The following CCDC83 variants were observed in gnomAD, a reference collection of about 807,000 sequenced individuals.
CCDC83 encodes the protein coiled-coil domain-containing protein 83.
CCDC83 carries 54 observed loss-of-function variants against 50.1 expected under a neutral mutation model. The observed-to-expected ratio is 1.08, with a 90% CI of 0.87 to 1.35. The LOEUF (loss-of-function observed/expected upper bound fraction) is 1.35, where lower values mean the gene tolerates loss of function less well. Among genes scored for constraint, CCDC83 ranks in the 40% most tolerant of loss-of-function variants. The pLI is 0.00. For missense variants in CCDC83, 518 were observed against 473.9 expected (o/e 1.09, Z -0.86); for synonymous variants, 161 against 153.3 (o/e 1.05, Z -0.37).
chr11:85,915,788 C>T (rs2135151405), intron 9 of CCDC83, among the ~76,000 whole-genome samples: 2 of 152,226 alleles, frequency 1.3e-5, no homozygotes, highest in South Asian at 4.1e-4. Context: ...CCCTATTTAG[C>T]CAACCAAAAT....
intron 7 of CCDC83, among the ~76,000 whole-genome samples, chr11:85,903,319 G>A (rs2093410761): frequency 6.6e-6 from 1 of 152,062 alleles, no homozygotes; most frequent in South Asian, 2.1e-4. Context: ...TTTTGAGACA[G>A]AGTCTCACTC....
At position 85,865,325 on chromosome 11, in the gene CCDC83, A is replaced by G. The variant is rs960640902; in HGVS notation, c.95+107A>G. 9.6e-6 allele frequency: 7 copies of G among 731,574 alleles called. No individual in the cohort carries two copies. The Admixed American group carries it at 1.2e-4, about 12-fold the overall frequency. The allele number at this position is 731,574 out of a possible 1,614,324, so 45.3% of individuals were successfully genotyped here. A position where few individuals can be genotyped will look rare whatever the true frequency, so the allele number is the denominator to read the frequency against. On this transcript the variant is annotated intron_variant, in intron 2 of 10. Transcript: ENST00000342404. Reference sequence around the variant, plus strand: ...CAATACATGCAGCAGCTGCCAAAAGAATAGAGGTGGGTTTGGAGGCCTAAT... The same window carrying G: ...CAATACATGCAGCAGCTGCCAAAAGGATAGAGGTGGGTTTGGAGGCCTAAT...
intron 7 of CCDC83, 120 bp downstream of exon 7, chr11:85,899,135 A>T (rs563590132): frequency 1.5e-6 from 1 of 683,550 alleles, no homozygotes; most frequent in South Asian, 1.9e-5. Context: ...CTGAGACAAA[A>T]TAAAATTCAA....
rs139546994 is a variant in CCDC83, at chr11:85,919,511, G to A, written c.*1G>A. 168 of 1,602,162 alleles carry A rather than the reference G, an allele frequency of 1.0e-4. No individual in the cohort carries two copies. The African/African-American group carries it at 1.7e-3, about 16-fold the overall frequency. ...TAAGATGATGAAGTCTTTTCTCTAA[G>A]ACGGAAAGCTGCAAAGGAAACACAA... On this transcript the variant is annotated 3_prime_UTR_variant, in exon 11 of 11. Transcript: ENST00000342404.
intron 10 of CCDC83, among the ~76,000 whole-genome samples, chr11:85,918,520 G>C (rs1286421478): frequency 6.6e-6 from 1 of 152,208 alleles, no homozygotes; most frequent in African/African-American, 2.4e-5. Flanking sequence ...ACCCAGTTTT[G>C]GGTTGGCTAT....
Position 85,882,617 on chromosome 11 carries a change from T to C in CCDC83, c.285T>C (p.Val95=), listed in dbSNP as rs2093306773. The change falls in exon 4 of 11, where the codon GTT becomes GTC. Residue 95 remains valine, a synonymous_variant. Transcript: ENST00000342404. The stretch of plus-strand genomic sequence containing the variant: ...TGCCAGTTGTAACAAGAGAGGATGT[T>C]GAAGAAGCGATGAAGGAAAAATGGA... The part of the protein sequence containing the change: ...EGLPVVTRED[V]EEAMKEKWKF... 5 of 1,613,838 alleles carry C rather than the reference T, an allele frequency of 3.1e-6. No homozygotes were observed. Among genetic ancestry groups the C allele is most frequent in the Non-Finnish European group, 3.4e-6 (4 of 1,179,946 alleles).
chr11:85,912,515 G>A, intron 8 of CCDC83: 1 of 680,570 alleles, frequency 1.5e-6, no homozygotes, highest in Non-Finnish European at 2.7e-6. Context: ...AGGTGAGGCT[G>A]AATGAGGATT....
At chr11:85,857,714 T>C (rs1360688247) in intron 1 of CCDC83, among the ~76,000 whole-genome samples, 1 of 152,158 alleles carries the variant, frequency 6.6e-6, no homozygotes, top group East Asian at 1.9e-4. Context: ...GACGTGATGA[T>C]TGCCAGCAAG....
chr11:85,878,182 T>C (rs890094625), intron 3 of CCDC83, among the ~76,000 whole-genome samples: 4 of 152,230 alleles, frequency 2.6e-5, no homozygotes, highest in Admixed American at 2.0e-4. Context: ...AAAGTTCCTA[T>C]GTACCTACTA....
chr11:85,858,698 G>A (rs1419932696), intron 1 of CCDC83, among the ~76,000 whole-genome samples: 1 of 152,160 alleles, frequency 6.6e-6, no homozygotes, highest in Non-Finnish European at 1.5e-5. Flanking sequence ...TGGTAATGGA[G>A]TCACAAAGCC....
At chr11:85,917,167 A>AGAGAGAGAAG (rs1554986879) in intron 10 of CCDC83, among the ~76,000 whole-genome samples, 65 of 86,958 alleles carry the variant, frequency 7.5e-4, no homozygotes, top group African/African-American at 2.4e-3. Flanking sequence ...AGAGAGAGAG[A>AGAGAGAGAAG]GAAAGAAAGA....
chr11:85,913,397 T>C (rs539527913), intron 8 of CCDC83, among the ~76,000 whole-genome samples: 1 of 152,348 alleles, frequency 6.6e-6, no homozygotes, highest in East Asian at 1.9e-4. Flanking sequence ...TTGAAAGCCC[T>C]CAATTATCTG....
intron 5 of CCDC83, among the ~76,000 whole-genome samples, 170 bp from the exon 6 acceptor site, chr11:85,895,123 G>C (rs2093366738): frequency 9.1e-6 from 1 of 109,562 alleles, no homozygotes; most frequent in Non-Finnish European, 2.0e-5. Flanking sequence ...AATCTAGTTA[G>C]ATGAAGTCAG....
Position 85,886,222 on chromosome 11 carries a change from T to C in CCDC83, c.366T>C (p.Asn122=), listed in dbSNP as rs140846463. The change falls in exon 5 of 11, where the codon AAT becomes AAC. Residue 122 remains asparagine (N), a synonymous_variant. Coordinates refer to ENST00000342404, the MANE Select transcript of CCDC83 (RefSeq NM_001286159.2). ...CAGATATGCGCATGCAAATAAGTAA[T>C]GCTGAGAAACTATTTCTTGAGAAAC... ...NLRDMRMQIS[N]AEKLFLEKLS... 5 of 1,593,722 alleles carry C rather than the reference T, an allele frequency of 3.1e-6. No individual in the cohort carries two copies. The African/African-American group carries it at 6.7e-5, about 21-fold the overall frequency.
chr11:85,918,572 T>C (rs1253408913), intron 10 of CCDC83, among the ~76,000 whole-genome samples: 1 of 152,222 alleles, frequency 6.6e-6, no homozygotes, highest in Admixed American at 6.5e-5. Context: ...TTTGTTGATA[T>C]CTTAGATTTG....
chr11:85,895,822 CT>C (rs200910995), intron 6 of CCDC83, among the ~76,000 whole-genome samples: 16 of 150,894 alleles, frequency 1.1e-4, no homozygotes, highest in African/African-American at 3.9e-4. Flanking sequence ...TGAATTTTTT[CT>C]TTTTTTTTGA....
intron 3 of CCDC83, among the ~76,000 whole-genome samples, chr11:85,879,870 C>A (rs1476245702): frequency 1.3e-5 from 2 of 152,168 alleles, no homozygotes; most frequent in Non-Finnish European, 2.9e-5. Flanking sequence ...CTCGCCTCAG[C>A]CTCCCAAAGT....
chr11:85,882,472 A>G (rs893398810), intron 3 of CCDC83, 41 bp from the exon 4 acceptor site: 4 of 1,601,202 alleles, frequency 2.5e-6, no homozygotes, highest in Admixed American at 1.7e-5. Context: ...CATAGTGTAC[A>G]TAGTTGATCA....
At chr11:85,909,896 T>G (rs1258545802) in intron 7 of CCDC83, among the ~76,000 whole-genome samples, 1 of 152,204 alleles carries the variant, frequency 6.6e-6, no homozygotes, top group Non-Finnish European at 1.5e-5. Flanking sequence ...CAGTAAACAT[T>G]AAGCCTGCTA....
Sources: gnomAD v4.1 joint callset for allele counts (sites outside exome capture counted in the v4.1 genomes callset) on GRCh38, gnomAD v4.1.1 for gene constraint, MANE v1.5 for transcripts, NCBI Gene and HGNC (gene_info 2026-07-23, HGNC 2026-07-21) for gene names.